The following ANGPTL2 variants were observed in gnomAD, a reference collection of about 807,000 sequenced individuals.
The protein encoded by ANGPTL2 is angiopoietin-related protein 2.
In ANGPTL2, 25 loss-of-function variants were observed where a neutral mutation model predicts 52.8. The ratio of observed to expected loss-of-function variants is 0.47; its 90% CI spans 0.35 to 0.66. The LOEUF (loss-of-function observed/expected upper bound fraction) is 0.66, where lower values mean the gene tolerates loss of function less well. ANGPTL2 is among the 30% of genes least tolerant of loss of function. The pLI is 0.01. For missense variants in ANGPTL2, 546 were observed against 656.9 expected (o/e 0.83, Z 1.84); for synonymous variants, 276 against 277.4 (o/e 1.00, Z 0.05).
At chr9:127,107,801 G>T in intron 2 of ANGPTL2, 114 bp downstream of exon 2, 1 of 1,117,792 alleles carries the variant, frequency 8.9e-7, no homozygotes, top group Non-Finnish European at 1.3e-6. Flanking sequence ...GATTGTGCAT[G>T]TCTTTGGCCT....
chr9:127,118,929 T>G (rs2137589021), intron 1 of ANGPTL2, among the ~76,000 whole-genome samples: 1 of 152,348 alleles, frequency 6.6e-6, no homozygotes, highest in East Asian at 1.9e-4. Context: ...TGCTCGTGTG[T>G]GGCCCAGTGT....
rs946886185 is a variant in ANGPTL2, at chr9:127,088,668, C to A, written c.*271G>T. 1 of 496,396 alleles carries A rather than the reference C, an allele frequency of 2.0e-6. No individual in the cohort carries two copies. The highest frequency in any genetic ancestry group is 3.6e-5 in the East Asian group (1 of 28,100). The allele number at this position is 496,396 out of a possible 1,614,324, so 30.7% of individuals were successfully genotyped here. A position where few individuals can be genotyped will look rare whatever the true frequency, so the allele number is the denominator to read the frequency against. ...TGCAGTTGTGTTTTTATTGTAGAGA[C>A]TTAATTTATTTAAAGAAAGAGTTGT... On this transcript the variant is annotated 3_prime_UTR_variant, in exon 5 of 5. Coordinates refer to ENST00000373425, the MANE Select transcript of ANGPTL2 (RefSeq NM_012098.3).
intron 1 of ANGPTL2, among the ~76,000 whole-genome samples, chr9:127,112,484 C>A (rs997882896): frequency 1.3e-5 from 2 of 152,232 alleles, no homozygotes; most frequent in Non-Finnish European, 2.9e-5. Context: ...GCCCAGGAGG[C>A]AACCTGGCTG....
chr9:127,105,595 TC>T (rs934307413), intron 2 of ANGPTL2, among the ~76,000 whole-genome samples: 2 of 152,060 alleles, frequency 1.3e-5, no homozygotes, highest in African/African-American at 4.8e-5. Flanking sequence ...CACCTTACTG[TC>T]CCCCAGGGCA....
rs1448601900 is a variant in ANGPTL2, at chr9:127,091,693, T to C, written c.1259A>G (p.Asp420Gly). 1 of 1,613,814 alleles carries C rather than the reference T, an allele frequency of 6.2e-7. No individual in the cohort carries two copies. Among genetic ancestry groups the C allele is most frequent in the Non-Finnish European group, 8.5e-7 (1 of 1,180,018 alleles). ...WHNGKQFTTL[D>G]RDHDVYTGNC... ...ACCTGTGTAGACATCATGATCTCTG[T>C]CCAGGGTGGTGAACTGCTTGCCGTT... The change falls in exon 4 of 5, where the codon GAC (aspartate) becomes GGC (glycine). Residue 420 changes from aspartate (D) to glycine (G), a missense_variant. Transcript: ENST00000373425. This position sits in a 1 kb window ranked among gnomAD's most constrained non-coding sequence, Gnocchi z 4.3.
At chr9:127,094,006 A>T (rs922317693) in intron 2 of ANGPTL2, 80 bp from the exon 3 acceptor site, 1 of 1,516,204 alleles carries the variant, frequency 6.6e-7, no homozygotes, top group African/African-American at 1.4e-5. Context: ...AAGCAGGCAC[A>T]ACCTCTGTTG....
chr9:127,121,902 A>G (rs1309714741), intron 1 of ANGPTL2, among the ~76,000 whole-genome samples: 1 of 152,170 alleles, frequency 6.6e-6, no homozygotes, highest in East Asian at 1.9e-4. Context: ...ATAGGAATCC[A>G]AAGCTTCAAA....
At chr9:127,117,912 G>A (rs992758693) in intron 1 of ANGPTL2, among the ~76,000 whole-genome samples, 1 of 152,200 alleles carries the variant, frequency 6.6e-6, no homozygotes, top group South Asian at 2.1e-4. Flanking sequence ...TTTCCTTGGT[G>A]GTCTTGGTAC....
chr9:127,111,752 A>G (rs1040628768), intron 1 of ANGPTL2, among the ~76,000 whole-genome samples: 8 of 152,228 alleles, frequency 5.3e-5, no homozygotes, highest in African/African-American at 1.9e-4. Context: ...AGGTGAGGAA[A>G]CTGAGACTCA....
intron 3 of ANGPTL2, 118 bp from the exon 4 acceptor site, chr9:127,092,058 C>G: frequency 1.5e-6 from 2 of 1,304,394 alleles, no homozygotes; most frequent in Non-Finnish European, 2.1e-6. Flanking sequence ...GAGCATGAAG[C>G]AGACCTGGTT....
At chr9:127,116,175 G>T (rs1187372261) in intron 1 of ANGPTL2, among the ~76,000 whole-genome samples, 1 of 152,210 alleles carries the variant, frequency 6.6e-6, no homozygotes, top group Non-Finnish European at 1.5e-5. Context: ...AGCAGGGTAA[G>T]ACAGATTTGC....
At chr9:127,101,622 T>C (rs962752138) in intron 2 of ANGPTL2, among the ~76,000 whole-genome samples, 2 of 152,172 alleles carry the variant, frequency 1.3e-5, no homozygotes, top group African/African-American at 4.8e-5. Context: ...CCACAACAGA[T>C]GATAATCCAC....
At chr9:127,093,640 C>T in intron 3 of ANGPTL2, 93 bp downstream of exon 3, 2 of 1,472,014 alleles carry the variant, frequency 1.4e-6, no homozygotes, top group Non-Finnish European at 1.9e-6. Flanking sequence ...CAGCATGTAC[C>T]TCTGAGTGGG....
At chr9:127,109,251 C>T (rs1174382665) in intron 1 of ANGPTL2, among the ~76,000 whole-genome samples, 2 of 152,192 alleles carry the variant, frequency 1.3e-5, no homozygotes, top group Non-Finnish European at 2.9e-5. Flanking sequence ...TACCCATCAC[C>T]GCTGTGCTGA....
rs1432491675 is a variant in ANGPTL2, at chr9:127,108,396, C to T, written c.336G>A (p.Val112=). 2 of 1,609,046 alleles carry T rather than the reference C, an allele frequency of 1.2e-6. No individual in the cohort carries two copies. Among genetic ancestry groups the T allele is most frequent in the South Asian group, 2.2e-5 (2 of 90,876 alleles). ...TCACCTCGCTCACAATGCCGCCGTCCACCTCCACCAGCTGCTGCAGCGTCT... is the reference window on the plus strand; with the variant it reads ...TCACCTCGCTCACAATGCCGCCGTCTACCTCCACCAGCTGCTGCAGCGTCT... ...QIETLQQLVE[V]DGGIVSEVKL... The change falls in exon 2 of 5, where the codon GTG becomes GTA. Residue 112 remains valine (V), a synonymous_variant. Coordinates refer to ENST00000373425, the MANE Select transcript of ANGPTL2 (RefSeq NM_012098.3).
chr9:127,095,546 G>A (rs1468204220), intron 2 of ANGPTL2, among the ~76,000 whole-genome samples: 1 of 152,222 alleles, frequency 6.6e-6, no homozygotes, highest in Non-Finnish European at 1.5e-5. Context: ...ATGCGGTGCT[G>A]GGCAGCGGAA....
intron 2 of ANGPTL2, among the ~76,000 whole-genome samples, chr9:127,096,296 C>T (rs2053127782): frequency 1.3e-5 from 2 of 152,242 alleles, no homozygotes; most frequent in Admixed American, 6.5e-5. Flanking sequence ...ACAGCTGGAG[C>T]AGAGCGCCGG....
At position 127,088,961 on chromosome 9, in the gene ANGPTL2, G is replaced by T. The variant is rs774148995; in HGVS notation, c.1460C>A (p.Pro487Gln). The change falls in exon 5 of 5, where the codon CCG (proline) becomes CAG (glutamine). Residue 487 changes from proline to glutamine, a missense_variant. This residue lies in a region of ANGPTL2 where 261 missense variants were observed against 361.0 expected (regional missense o/e 0.72). Coordinates refer to ENST00000373425, the MANE Select transcript of ANGPTL2 (RefSeq NM_012098.3). Reference protein sequence around the residue: ...SLKKVVMMIRPNPNTFH With the variant: ...SLKKVVMMIRQNPNTFH The stretch of plus-strand genomic sequence containing the variant: ...GGCTTAGTGGAAGGTGTTGGGGTTC[G>T]GTCGGATCATCATCACCACTTTCTT... The T allele has an allele frequency of 1.2e-6, 2 of 1,614,182 alleles. No homozygotes were observed. Among genetic ancestry groups the T allele is most frequent in the Non-Finnish European group, 1.7e-6 (2 of 1,180,038 alleles).
intron 2 of ANGPTL2, among the ~76,000 whole-genome samples, chr9:127,105,887 A>C (rs955715981): frequency 6.6e-6 from 1 of 152,244 alleles, no homozygotes; most frequent in Admixed American, 6.5e-5. Flanking sequence ...GTAGGGGCTC[A>C]GCAAATGTTG....
Sources: allele counts gnomAD v4.1 joint callset (sites outside exome capture counted in the v4.1 genomes callset), GRCh38; gene constraint gnomAD v4.1.1; regional missense constraint gnomAD v4.1.1; non-coding constraint Gnocchi (gnomAD v3.1); transcripts MANE v1.5; gene names NCBI Gene and HGNC (gene_info 2026-07-23, HGNC 2026-07-21).